GSTCD: variants seen among roughly 807,000 people sequenced by gnomAD.
The protein encoded by GSTCD is glutathione S-transferase C-terminal domain-containing protein.
In GSTCD, 44 loss-of-function variants were observed where a neutral mutation model predicts 68.3. That is an observed-to-expected ratio of 0.64 (90% confidence interval 0.51 to 0.83). GSTCD has a LOEUF of 0.83. Ranked by LOEUF, GSTCD falls within the 40% of genes least tolerant of loss-of-function variation. The pLI is 0.00. For synonymous variants in GSTCD, 273 were observed against 255.2 expected (o/e 1.07, Z -0.67); for missense variants, 739 against 735.9 (o/e 1.00, Z -0.05).
intron 5 of GSTCD, among the ~76,000 whole-genome samples, chr4:105,742,286 T>C (rs1388879259): frequency 6.6e-6 from 1 of 152,238 alleles, no homozygotes; most frequent in Admixed American, 6.5e-5. Flanking sequence ...TTTTCTTTTA[T>C]ACAACCTATA....
At chr4:105,711,330 A>G (rs532024917) in intron 1 of GSTCD, among the ~76,000 whole-genome samples, 5 of 152,380 alleles carry the variant, frequency 3.3e-5, no homozygotes, top group Non-Finnish European at 5.9e-5. Context: ...GTTGATATGC[A>G]CATGGATTAA....
chr4:105,763,883 A>T (rs1008836700), intron 5 of GSTCD, among the ~76,000 whole-genome samples: 1 of 152,176 alleles, frequency 6.6e-6, no homozygotes, highest in East Asian at 1.9e-4. Flanking sequence ...CCCCAGAGGT[A>T]GTTGTAACCC....
intron 5 of GSTCD, among the ~76,000 whole-genome samples, chr4:105,763,151 G>A (rs918530050): frequency 6.6e-6 from 1 of 152,102 alleles, no homozygotes; most frequent in African/African-American, 2.4e-5. Flanking sequence ...ATTTAAGAGT[G>A]CAGAGGATAT....
At chr4:105,805,680 C>T (rs1286808824) in intron 5 of GSTCD, among the ~76,000 whole-genome samples, 2 of 151,964 alleles carry the variant, frequency 1.3e-5, no homozygotes, top group Non-Finnish European at 2.9e-5. Flanking sequence ...CTTTTCAGTG[C>T]TGAATAAAAA....
intron 5 of GSTCD, among the ~76,000 whole-genome samples, chr4:105,758,184 T>C (rs960603385): frequency 7.2e-5 from 11 of 152,224 alleles, no homozygotes; most frequent in Non-Finnish European, 1.5e-4. Context: ...CTAACTGCAG[T>C]TGAATATAAA....
chr4:105,733,397 G>T (rs1733328672), intron 5 of GSTCD, among the ~76,000 whole-genome samples: 5 of 152,158 alleles, frequency 3.3e-5, no homozygotes, highest in Admixed American at 3.3e-4. Context: ...ATATATTTAG[G>T]ATAGTTAGCT....
chr4:105,723,670 A>G (rs1732941778), intron 3 of GSTCD, among the ~76,000 whole-genome samples: 2 of 151,832 alleles, frequency 1.3e-5, no homozygotes, highest in African/African-American at 4.8e-5. Flanking sequence ...AATACATTTT[A>G]CAAGTTGGAT....
Position 105,811,294 on chromosome 4 carries a change from G to C in GSTCD, c.1241-11660G>C, listed in dbSNP as rs376665636. Among the ~76,000 whole-genome samples the C allele has an allele frequency of 1.4e-4, 22 of 152,068 alleles. No individual in the cohort carries two copies. The East Asian group carries it at 3.3e-3, about 23-fold the overall frequency. ...CCTCTTAGTATCTTGAGAGACTACT[G>C]TTCCACAAGTGTGAAATTTCTGAAA... On this transcript the variant is annotated intron_variant, in intron 5 of 11. Transcript: ENST00000515279.
chr4:105,833,637 GGTTATTCATCTT>G (rs1379129746), intron 8 of GSTCD, among the ~76,000 whole-genome samples: 2 of 152,048 alleles, frequency 1.3e-5, no homozygotes, highest in Non-Finnish European at 2.9e-5. Flanking sequence ...ATCCAGTACA[GGTTATTCATCTT>G]TTAGAATCCC....
At chr4:105,764,198 A>T (rs1005241025) in intron 5 of GSTCD, among the ~76,000 whole-genome samples, 1 of 152,204 alleles carries the variant, frequency 6.6e-6, no homozygotes, top group East Asian at 1.9e-4. Context: ...TTAGCAAAAA[A>T]GTGAACAAGT....
intron 8 of GSTCD, among the ~76,000 whole-genome samples, chr4:105,831,778 A>G (rs1443684435): frequency 6.6e-6 from 1 of 152,006 alleles, no homozygotes; most frequent in Non-Finnish European, 1.5e-5. Flanking sequence ...TCTACTGAAA[A>G]TACAAAAATT....
chr4:105,768,184 C>A lies in GSTCD; in HGVS notation c.1240+38685C>A, dbSNP rs534332982. 1.1e-4 allele frequency among the ~76,000 whole-genome samples: 16 copies of A among 152,086 alleles called. No individual in the cohort carries two copies. In the South Asian group the frequency reaches 3.3e-3, roughly 32 times the overall value. The stretch of plus-strand genomic sequence containing the variant: ...CTGGGACTACAGGCGCCCACCACCA[C>A]GCCCGGCTAATTTTTTTTGTATTTT... On this transcript the variant is annotated intron_variant, in intron 5 of 11. Coordinates refer to ENST00000515279, the MANE Select transcript of GSTCD (RefSeq NM_001370181.1).
chr4:105,799,333 C>T (rs1466712925), intron 5 of GSTCD, among the ~76,000 whole-genome samples: 3 of 152,190 alleles, frequency 2.0e-5, no homozygotes, highest in Non-Finnish European at 4.4e-5. Flanking sequence ...CCTTCAAGAA[C>T]ATCTTTGCAT....
At chr4:105,843,949 A>G (rs1724453735) in intron 11 of GSTCD, among the ~76,000 whole-genome samples, 1 of 152,126 alleles carries the variant, frequency 6.6e-6, no homozygotes, top group South Asian at 2.1e-4. Flanking sequence ...GGGGAATCAC[A>G]TTGAGAGAAA....
intron 3 of GSTCD, 146 bp from the exon 4 acceptor site, chr4:105,726,433 T>G (rs1441658804): frequency 1.2e-5 from 7 of 570,482 alleles, no homozygotes; most frequent in Middle Eastern, 4.6e-4. Context: ...TAAAACTAGA[T>G]GGTTGATAAC....
chr4:105,740,495 C>T (rs982551548), intron 5 of GSTCD, among the ~76,000 whole-genome samples: 11 of 152,004 alleles, frequency 7.2e-5, no homozygotes, highest in Admixed American at 7.2e-4. Context: ...CAGCGCTCTC[C>T]TTTAGTCATT....
chr4:105,795,233 T>G (rs1735837313), intron 5 of GSTCD, among the ~76,000 whole-genome samples: 1 of 152,082 alleles, frequency 6.6e-6, no homozygotes, highest in Non-Finnish European at 1.5e-5. Context: ...TTTTCCATGC[T>G]TCTTGTTTTC....
At chr4:105,755,227 CAGTG>C (rs1470794418) in intron 5 of GSTCD, among the ~76,000 whole-genome samples, 1 of 151,324 alleles carries the variant, frequency 6.6e-6, no homozygotes, top group Non-Finnish European at 1.5e-5. Flanking sequence ...GCCTGGGTAA[CAGTG>C]AGACCCTGTC....
intron 5 of GSTCD, among the ~76,000 whole-genome samples, chr4:105,796,376 T>A (rs1021782722): frequency 6.6e-6 from 1 of 152,118 alleles, no homozygotes; most frequent in Non-Finnish European, 1.5e-5. Context: ...CAATTCAAGA[T>A]GAGATTTGGG....
Sources: allele counts gnomAD v4.1 joint callset (sites outside exome capture counted in the v4.1 genomes callset), GRCh38; gene constraint gnomAD v4.1.1; transcripts MANE v1.5; gene names NCBI Gene and HGNC (gene_info 2026-07-23, HGNC 2026-07-21).